Variants in CYTH1 observed in about 807,000 individuals in gnomAD.
CYTH1 encodes cytohesin-1.
A neutral mutation model predicts 61.8 loss-of-function variants in CYTH1; 18 were observed. That is an observed-to-expected ratio of 0.29 (90% CI 0.20 to 0.43). CYTH1 has a LOEUF of 0.43. CYTH1 is among the 20% of genes least tolerant of loss of function. The pLI is 1.00. For missense variants in CYTH1, 336 were observed against 510.5 expected (o/e 0.66, Z 3.29); for synonymous variants, 174 against 184.3 (o/e 0.94, Z 0.45).
intron 9 of CYTH1, among the ~76,000 whole-genome samples, chr17:78,697,461 CCT>C (rs1190717079): frequency 6.6e-6 from 1 of 151,996 alleles, no homozygotes; most frequent in Non-Finnish European, 1.5e-5. Flanking sequence ...TATTGATTAC[CCT>C]GTCACCTTCA....
rs951353392 is a variant in CYTH1 at position 78,722,538 on chromosome 17, G to A, written c.23-12806C>T. On this transcript the variant is annotated intron_variant, in intron 1 of 13. Coordinates refer to ENST00000446868, the MANE Select transcript of CYTH1 (RefSeq NM_004762.6). ...CCCCTGGGTGAAGCTGCCACTCCCC[G>A]TGCCTGCCAGCTGCAACCACTGTCA... Among the ~76,000 whole-genome samples the A allele has an allele frequency of 2.4e-4, 37 of 152,122 alleles. 1 individual carries two copies. The highest frequency in any genetic ancestry group is 1.9e-3 in the Admixed American group (29 of 15,280).
In CYTH1 at chr17:78,702,182, T is replaced by G; in HGVS notation, c.296A>C (p.Gln99Pro). The stretch of plus-strand genomic sequence containing the variant: ...GAGCCCTTCGCCTTTATATAAGAAC[T>G]GGGCAATGTCTTCACAAGTGTTCTT... ...LLKNTCEDIAQFLYKGEGLNK... is the reference protein window; with the variant it reads ...LLKNTCEDIAPFLYKGEGLNK... Residue 99 changes from glutamine (Q) to proline (P), a missense_variant, in exon 5 of 14, where the codon CAG becomes CCG. Physicochemically the swap from Gln to Pro is moderately conservative, Grantham distance 76. This residue lies in a region of CYTH1 where 112 missense variants were observed against 127.1 expected (regional missense o/e 0.88). Coordinates refer to ENST00000446868, the MANE Select transcript of CYTH1 (RefSeq NM_004762.6). 1.2e-6 allele frequency: 2 copies of G among 1,614,204 alleles called. No homozygotes were observed. The highest frequency in any genetic ancestry group is 1.7e-6 in the Non-Finnish European group (2 of 1,180,032).
At chr17:78,715,851 AC>A (rs1031662613) in intron 1 of CYTH1, among the ~76,000 whole-genome samples, 5 of 152,172 alleles carry the variant, frequency 3.3e-5, no homozygotes, top group Admixed American at 3.3e-4. Flanking sequence ...AGCATGAAAG[AC>A]CAACCCAGGC....
intron 1 of CYTH1, among the ~76,000 whole-genome samples, chr17:78,760,557 G>GTA (rs1234141383): frequency 8.9e-4 from 20 of 22,480 alleles, no homozygotes; most frequent in East Asian, 2.4e-3. Context: ...ATATATATAT[G>GTA]TATATATATA....
intron 1 of CYTH1, among the ~76,000 whole-genome samples, chr17:78,731,547 C>T (rs536928893): frequency 6.6e-6 from 1 of 152,134 alleles, no homozygotes; most frequent in East Asian, 1.9e-4. Flanking sequence ...ATCACGAGGT[C>T]AGGAGATCGA....
At chr17:78,748,415 T>C (rs1394071182) in intron 1 of CYTH1, among the ~76,000 whole-genome samples, 2 of 152,182 alleles carry the variant, frequency 1.3e-5, no homozygotes, top group Admixed American at 6.5e-5. Flanking sequence ...CAGGCCCAGG[T>C]TACTGTAGGG....
At chr17:78,689,054 G>A (rs1270048856) in intron 11 of CYTH1, among the ~76,000 whole-genome samples, 1 of 152,192 alleles carries the variant, frequency 6.6e-6, no homozygotes, top group Non-Finnish European at 1.5e-5. Context: ...GCTGAGACAA[G>A]TACACAGTGT....
intron 1 of CYTH1, among the ~76,000 whole-genome samples, chr17:78,765,207 G>A (rs536092579): frequency 9.9e-5 from 15 of 152,170 alleles, no homozygotes; most frequent in Admixed American, 2.6e-4. Context: ...CAGGATCACC[G>A]GGAGGCCCTC....
At chr17:78,733,076 CAAAAAAAAAA>C (rs56020680) in intron 1 of CYTH1, among the ~76,000 whole-genome samples, 83 of 47,728 alleles carry the variant, frequency 1.7e-3, no homozygotes, top group African/African-American at 7.2e-3. Flanking sequence ...GACTCCATCT[CAAAAAAAAAA>C]AAAAAAAAAA....
chr17:78,753,084 G>A (rs555324827), intron 1 of CYTH1, among the ~76,000 whole-genome samples: 31 of 152,190 alleles, frequency 2.0e-4, no homozygotes, highest in Middle Eastern at 6.8e-3. Flanking sequence ...CAGGGTGGGA[G>A]AGGGGCACCA....
chr17:78,733,875 A>C (rs1255124016), intron 1 of CYTH1, among the ~76,000 whole-genome samples: 1 of 152,258 alleles, frequency 6.6e-6, no homozygotes, highest in African/African-American at 2.4e-5. Flanking sequence ...AAGGGGGCTT[A>C]GTGTCTGCCT....
rs760093431 is a variant in CYTH1 at position 78,717,513 on chromosome 17, C to T, written c.23-7781G>A. Among the ~76,000 whole-genome samples the T allele has an allele frequency of 2.0e-5, 3 of 152,086 alleles. No homozygotes were observed. The highest frequency in any genetic ancestry group is 7.2e-5 in the African/African-American group (3 of 41,386). ...ATTTATTTATTTAAATGTTGCTTTG[C>T]AGATTTTAACAGTCGGCAGAAACCC... On this transcript the variant is annotated intron_variant, in intron 1 of 13. Coordinates refer to ENST00000446868, the MANE Select transcript of CYTH1 (RefSeq NM_004762.6). The surrounding 1 kb of genome is among the most constrained non-coding windows in gnomAD (Gnocchi z 4.4).
chr17:78,681,436 G>A (rs779755913), intron 11 of CYTH1, among the ~76,000 whole-genome samples: 5 of 152,012 alleles, frequency 3.3e-5, no homozygotes, highest in Non-Finnish European at 5.9e-5. Flanking sequence ...TCACCCTAGC[G>A]CCCCGATGCC....
intron 1 of CYTH1, among the ~76,000 whole-genome samples, chr17:78,736,389 A>ATC (rs2093320038): frequency 6.6e-6 from 1 of 151,750 alleles, no homozygotes; most frequent in Non-Finnish European, 1.5e-5. Context: ...TTACCTTAAT[A>ATC]TCTCTCTCTC....
chr17:78,735,338 C>T (rs1389015145), intron 1 of CYTH1, among the ~76,000 whole-genome samples: 3 of 152,186 alleles, frequency 2.0e-5, no homozygotes, highest in Admixed American at 6.5e-5. Flanking sequence ...AGCAAGTAAG[C>T]GTGAGGGACC....
chr17:78,699,194 G>A (rs1457243764), intron 7 of CYTH1, among the ~76,000 whole-genome samples: 2 of 151,952 alleles, frequency 1.3e-5, no homozygotes, highest in East Asian at 1.9e-4. Flanking sequence ...GTGAAAACCC[G>A]TCTCTACTAA....
At chr17:78,703,652 A>C (rs1389980402) in intron 3 of CYTH1, among the ~76,000 whole-genome samples, 1 of 152,120 alleles carries the variant, frequency 6.6e-6, no homozygotes, top group Non-Finnish European at 1.5e-5. Context: ...AGATTTGCCT[A>C]TTCTGGACAT....
intron 1 of CYTH1, among the ~76,000 whole-genome samples, chr17:78,771,812 A>G (rs907745823): frequency 2.4e-4 from 36 of 152,112 alleles, no homozygotes; most frequent in Non-Finnish European, 5.0e-4. Flanking sequence ...GGCCCTTACT[A>G]TAAAATTCAG....
chr17:78,701,971 T>TC, intron 5 of CYTH1, 151 bp downstream of exon 5: 1 of 767,940 alleles, frequency 1.3e-6, no homozygotes, highest in Non-Finnish European at 2.2e-6. Context: ...CCATCACTAT[T>TC]CCCCAGAAAA....
Sources: gnomAD v4.1 joint callset for allele counts (sites outside exome capture counted in the v4.1 genomes callset) on GRCh38, gnomAD v4.1.1 for gene constraint, gnomAD v4.1.1 regional missense constraint, Gnocchi (gnomAD v3.1) non-coding constraint, MANE v1.5 for transcripts, NCBI Gene and HGNC (gene_info 2026-07-23, HGNC 2026-07-21) for gene names.